Variants in TANC2 observed in about 807,000 individuals in gnomAD.
TANC2 encodes protein TANC2.
Under a neutral mutation model 210.5 loss-of-function variants are expected in TANC2, and 26 were observed. The ratio of observed to expected loss-of-function variants is 0.12; its 90% CI spans 0.09 to 0.17. The LOEUF is 0.17. Among genes scored for constraint, TANC2 ranks in the 10% least tolerant of loss-of-function variants. TANC2 has a pLI of 1.00. For synonymous variants in TANC2, 931 were observed against 967.1 expected (o/e 0.96, Z 0.69); for missense variants, 2,129 against 2,608.9 (o/e 0.82, Z 4.01).
intron 6 of TANC2, among the ~76,000 whole-genome samples, chr17:63,196,873 A>G (rs573717883): frequency 1.3e-5 from 2 of 152,196 alleles, no homozygotes; most frequent in South Asian, 2.1e-4. Flanking sequence ...TCATATTCCA[A>G]TTTTCAAATA....
intron 9 of TANC2, among the ~76,000 whole-genome samples, chr17:63,275,160 G>T (rs531166743): frequency 6.6e-6 from 1 of 152,160 alleles, no homozygotes; most frequent in Non-Finnish European, 1.5e-5. Context: ...TAACCTGCCT[G>T]GTCTTAAGTT....
chr17:63,129,391 A>C (rs1336659747), intron 4 of TANC2, among the ~76,000 whole-genome samples: 1 of 152,146 alleles, frequency 6.6e-6, no homozygotes, highest in Non-Finnish European at 1.5e-5. Context: ...CACATTTTCC[A>C]AGTTTCAATT....
At chr17:63,424,784 C>T (rs983934116) in exon 28 of TANC2, 2 of 151,986 alleles carry the variant, frequency 1.3e-5, no homozygotes, top group East Asian at 1.9e-4. Flanking sequence ...ATAGCAGAAC[C>T]GCTCTTGTCT....
intron 5 of TANC2, among the ~76,000 whole-genome samples, chr17:63,168,662 A>G (rs1023843786): frequency 6.6e-6 from 1 of 152,172 alleles, no homozygotes; most frequent in African/African-American, 2.4e-5. Context: ...TCCTATAACC[A>G]TTACCCCTAG....
intron 2 of TANC2, among the ~76,000 whole-genome samples, chr17:63,071,178 C>G (rs916990277): frequency 6.6e-6 from 1 of 152,124 alleles, no homozygotes; most frequent in Non-Finnish European, 1.5e-5. Context: ...TATACCTAAG[C>G]TTGCTGTGAT....
intron 3 of TANC2, among the ~76,000 whole-genome samples, chr17:63,083,443 A>T (rs2036850734): frequency 6.6e-6 from 1 of 152,084 alleles, no homozygotes; most frequent in Non-Finnish European, 1.5e-5. Flanking sequence ...GGGGAAAGGG[A>T]AAAAAAGGGG....
intron 4 of TANC2, among the ~76,000 whole-genome samples, chr17:63,115,206 G>A (rs1192364335): frequency 6.6e-6 from 1 of 152,156 alleles, no homozygotes; most frequent in African/African-American, 2.4e-5. Context: ...TTACTAGGTA[G>A]AAGAGATTAG....
intron 14 of TANC2, among the ~76,000 whole-genome samples, chr17:63,367,820 C>A (rs2047153990): frequency 6.6e-6 from 1 of 152,118 alleles, no homozygotes. Flanking sequence ...GGAGGTGTCA[C>A]TGGGAAAACC....
intron 1 of TANC2, among the ~76,000 whole-genome samples, chr17:62,997,690 A>G (rs1020672500): frequency 1.3e-5 from 2 of 152,118 alleles, no homozygotes; most frequent in Admixed American, 6.5e-5. Flanking sequence ...ATTATTTTCA[A>G]TTTTCTTACT....
intron 5 of TANC2, among the ~76,000 whole-genome samples, chr17:63,172,320 T>A (rs1025039424): frequency 6.6e-6 from 1 of 151,988 alleles, no homozygotes; most frequent in Non-Finnish European, 1.5e-5. Flanking sequence ...TAGCTGGGAT[T>A]ACAGGCGCCC....
intron 6 of TANC2, among the ~76,000 whole-genome samples, chr17:63,196,552 CCTTA>C (rs965886099): frequency 5.9e-5 from 9 of 152,132 alleles, no homozygotes; most frequent in African/African-American, 2.2e-4. Flanking sequence ...ATGGAGTGCA[CCTTA>C]CTTGTACATT....
chr17:62,987,437 C>G (rs1431112938), intron 1 of TANC2, among the ~76,000 whole-genome samples: 1 of 152,148 alleles, frequency 6.6e-6, no homozygotes, highest in Non-Finnish European at 1.5e-5. Flanking sequence ...GAGTGCACAC[C>G]TTGTGCTCCT....
At chr17:63,024,065 G>A (rs1202963580) in intron 2 of TANC2, among the ~76,000 whole-genome samples, 1 of 152,006 alleles carries the variant, frequency 6.6e-6, no homozygotes, top group Non-Finnish European at 1.5e-5. Flanking sequence ...TCTGTATTTT[G>A]TGGTGCTTCT....
At chr17:62,998,975 G>A (rs1250026469) in intron 1 of TANC2, among the ~76,000 whole-genome samples, 1 of 152,216 alleles carries the variant, frequency 6.6e-6, no homozygotes, top group Non-Finnish European at 1.5e-5. Flanking sequence ...ACAGAAGAAA[G>A]CAGGGATTCC....
At chr17:63,388,405 G>A (rs1264231929) in intron 15 of TANC2, among the ~76,000 whole-genome samples, 1 of 152,090 alleles carries the variant, frequency 6.6e-6, no homozygotes, top group African/African-American at 2.4e-5. Flanking sequence ...AAAGAGAGGT[G>A]TTGAGTAGAC....
At chr17:63,389,611 A>G in intron 17 of TANC2, 67 bp downstream of exon 17, 2 of 1,396,774 alleles carry the variant, frequency 1.4e-6, no homozygotes, top group African/African-American at 1.4e-5. Context: ...ACTCTTTCTT[A>G]TCTCCAGTGT....
chr17:63,179,075 T>C (rs940462934), intron 5 of TANC2, among the ~76,000 whole-genome samples: 9 of 152,226 alleles, frequency 5.9e-5, no homozygotes, highest in African/African-American at 2.2e-4. Context: ...TACAGAATCC[T>C]CTTTTTGAGG....
chr17:63,398,261 A>T (rs1198208707), intron 18 of TANC2, among the ~76,000 whole-genome samples: 2 of 152,138 alleles, frequency 1.3e-5, no homozygotes, highest in Non-Finnish European at 2.9e-5. Flanking sequence ...CCTGGACAAC[A>T]TGGCAAGACC....
At chr17:63,381,913 C>A (rs779210686) in intron 15 of TANC2, among the ~76,000 whole-genome samples, 1 of 152,334 alleles carries the variant, frequency 6.6e-6, no homozygotes, top group South Asian at 2.1e-4. Context: ...GTTACAGATA[C>A]TGAAGAGGCA....
Sources: allele counts gnomAD v4.1 joint callset (sites outside exome capture counted in the v4.1 genomes callset), GRCh38; gene constraint gnomAD v4.1.1; transcripts MANE v1.5; gene names NCBI Gene and HGNC (gene_info 2026-07-23, HGNC 2026-07-21).